The following PCDH9 variants were observed in gnomAD, a reference collection of about 807,000 sequenced individuals.
PCDH9 encodes the protein protocadherin 9.
In PCDH9, 24 loss-of-function variants were observed where a neutral mutation model predicts 70.6. The observed-to-expected ratio is 0.34, with a 90% CI of 0.25 to 0.48. The LOEUF (loss-of-function observed/expected upper bound fraction) is 0.48. Ranked by LOEUF, PCDH9 falls within the 20% of genes least tolerant of loss-of-function variation. The pLI, the probability that PCDH9 is intolerant of heterozygous loss-of-function variation, is 0.99. For synonymous variants in PCDH9, 562 were observed against 558.5 expected (o/e 1.01, Z -0.09); for missense variants, 1,281 against 1,503.6 (o/e 0.85, Z 2.45).
chr13:66,682,548 G>T (rs1300411708), intron 3 of PCDH9, among the ~76,000 whole-genome samples: 1 of 151,934 alleles, frequency 6.6e-6, no homozygotes, highest in Non-Finnish European at 1.5e-5. Flanking sequence ...CCACCCAAAG[G>T]CTTTGCACAA....
chr13:66,651,055 T>C (rs1459111715), intron 3 of PCDH9, among the ~76,000 whole-genome samples: 3 of 151,762 alleles, frequency 2.0e-5, no homozygotes, highest in Non-Finnish European at 4.4e-5. Context: ...GTAAAATTTA[T>C]AGGTATAAGT....
chr13:66,351,934 C>T (rs568783517), intron 4 of PCDH9, among the ~76,000 whole-genome samples: 2 of 151,858 alleles, frequency 1.3e-5, no homozygotes, highest in Middle Eastern at 6.8e-3. Context: ...CTGCCTCCCA[C>T]GTTCAAGTGA....
intron 3 of PCDH9, among the ~76,000 whole-genome samples, chr13:66,708,039 T>C (rs1174389343): frequency 1.3e-5 from 2 of 151,454 alleles, no homozygotes; most frequent in East Asian, 3.9e-4. Context: ...ACTTTTATTT[T>C]ATTTTATTTT....
At chr13:66,889,349 A>C (rs1315864790) in intron 3 of PCDH9, among the ~76,000 whole-genome samples, 2 of 152,144 alleles carry the variant, frequency 1.3e-5, no homozygotes, top group Non-Finnish European at 2.9e-5. Flanking sequence ...GAAGAACATA[A>C]TTTTTTTGGT....
rs75378776 is a variant in PCDH9, at chr13:66,449,596, C to G, written c.3341-144568G>C. On this transcript the variant is annotated intron_variant, in intron 4 of 4. Coordinates refer to ENST00000377865, the MANE Select transcript of PCDH9 (RefSeq NM_203487.3). ...CACAAGAGTGTTCAGAAAATCCTAT[C>G]TCACAAATAAAGTGTAAAGCTAAAT... Among the ~76,000 whole-genome samples, 497 of 152,236 alleles carry G rather than the reference C, an allele frequency of 3.3e-3. 2 individuals carry two copies. The highest frequency in any genetic ancestry group is 0.011 in the African/African-American group (463 of 41,552).
In PCDH9 at chr13:67,030,157, T is replaced by G. The variant is rs550708479; in HGVS notation, c.3037-126552A>C. The stretch of plus-strand genomic sequence containing the variant: ...GTGCAGTGGCACTACATCAGTTCAC[T>G]GCAACCACCACCTCCCGGGTTCAAG... On this transcript the variant is annotated intron_variant, in intron 2 of 4. Coordinates refer to ENST00000377865, the MANE Select transcript of PCDH9 (RefSeq NM_203487.3). Among the ~76,000 whole-genome samples the G allele has an allele frequency of 1.1e-3, 160 of 152,308 alleles. 1 individual carries two copies. The highest frequency in any genetic ancestry group is 3.7e-3 in the African/African-American group (153 of 41,578).
At chr13:66,747,227 T>C (rs985949666) in intron 3 of PCDH9, among the ~76,000 whole-genome samples, 1 of 152,138 alleles carries the variant, frequency 6.6e-6, no homozygotes, top group Non-Finnish European at 1.5e-5. Flanking sequence ...GGTGTGTGCC[T>C]GTAATCCCAG....
At chr13:66,460,797 A>T (rs1958409034) in intron 4 of PCDH9, among the ~76,000 whole-genome samples, 1 of 151,816 alleles carries the variant, frequency 6.6e-6, no homozygotes, top group Non-Finnish European at 1.5e-5. Flanking sequence ...GAAATGCCTA[A>T]ACTACTCCAG....
chr13:67,018,733 A>G (rs532176232), intron 2 of PCDH9, among the ~76,000 whole-genome samples: 49 of 152,186 alleles, frequency 3.2e-4, no homozygotes, highest in South Asian at 2.9e-3. Flanking sequence ...ACTATGGGTC[A>G]TCTCAATATC....
At chr13:67,042,836 T>C (rs1420340154) in intron 2 of PCDH9, among the ~76,000 whole-genome samples, 1 of 152,060 alleles carries the variant, frequency 6.6e-6, no homozygotes, top group East Asian at 1.9e-4. Flanking sequence ...AATGACACTA[T>C]GAGAACCCTG....
intron 3 of PCDH9, among the ~76,000 whole-genome samples, chr13:66,874,661 C>A (rs1441758382): frequency 6.6e-6 from 1 of 152,010 alleles, no homozygotes; most frequent in Non-Finnish European, 1.5e-5. Flanking sequence ...CGCAGGGAAA[C>A]ATTTAACATA....
intron 4 of PCDH9, among the ~76,000 whole-genome samples, chr13:66,416,318 A>AG (rs1416483899): frequency 4.4e-4 from 54 of 123,958 alleles, no homozygotes; most frequent in African/African-American, 1.4e-3. Context: ...GGAAGCTTAC[A>AG]GAAAAAAAAA....
intron 2 of PCDH9, among the ~76,000 whole-genome samples, chr13:67,010,709 T>C (rs1005406388): frequency 6.6e-6 from 1 of 152,022 alleles, no homozygotes; most frequent in African/African-American, 2.4e-5. Flanking sequence ...TTTCTTGTCC[T>C]TGATGACAAA....
intron 3 of PCDH9, among the ~76,000 whole-genome samples, chr13:66,748,138 G>A (rs914882090): frequency 1.3e-5 from 2 of 152,170 alleles, no homozygotes; most frequent in Admixed American, 6.6e-5. Context: ...TAAGAGGTAG[G>A]AAACCTTAGC....
intron 2 of PCDH9, among the ~76,000 whole-genome samples, chr13:67,114,617 G>A (rs2086724073): frequency 6.6e-6 from 1 of 152,080 alleles, no homozygotes; most frequent in Non-Finnish European, 1.5e-5. Flanking sequence ...GCAAAGTACT[G>A]ATGTGTGTAA....
At chr13:66,867,720 A>G (rs948764104) in intron 3 of PCDH9, among the ~76,000 whole-genome samples, 2 of 152,084 alleles carry the variant, frequency 1.3e-5, no homozygotes, top group African/African-American at 4.8e-5. Context: ...AATCCTTTCA[A>G]AAACCTTATA....
intron 3 of PCDH9, among the ~76,000 whole-genome samples, chr13:66,840,356 G>C (rs1045459592): frequency 6.6e-6 from 1 of 152,084 alleles, no homozygotes; most frequent in Non-Finnish European, 1.5e-5. Context: ...CAAGTATTTG[G>C]AAAATAAAAA....
chr13:66,776,075 C>A (rs1207271745), intron 3 of PCDH9, among the ~76,000 whole-genome samples: 1 of 152,130 alleles, frequency 6.6e-6, no homozygotes, highest in African/African-American at 2.4e-5. Context: ...TTTAAAATGT[C>A]ATTACCAAAT....
intron 4 of PCDH9, among the ~76,000 whole-genome samples, chr13:66,376,533 CTTT>C (rs1285561167): frequency 6.6e-6 from 1 of 151,812 alleles, no homozygotes. Context: ...AAACAGATGA[CTTT>C]TTTTCATGAA....
Sources: allele counts gnomAD v4.1 joint callset (sites outside exome capture counted in the v4.1 genomes callset), GRCh38; gene constraint gnomAD v4.1.1; transcripts MANE v1.5; gene names NCBI Gene and HGNC (gene_info 2026-07-23, HGNC 2026-07-21).